Variants in NBPF11 observed in about 807,000 individuals in gnomAD.
The protein encoded by NBPF11 is NBPF member 11.
A neutral mutation model predicts 93.9 loss-of-function variants in NBPF11; 72 were observed. That is an observed-to-expected ratio of 0.77 (90% confidence interval 0.63 to 0.93). The LOEUF (loss-of-function observed/expected upper bound fraction) is 0.93. Ranked by LOEUF, NBPF11 falls within the 40% of genes least tolerant of loss-of-function variation. The pLI is 0.00. For missense variants in NBPF11, 705 were observed against 802.2 expected (o/e 0.88, Z 1.46); for synonymous variants, 224 against 304.9 (o/e 0.73, Z 2.76).
In NBPF11 at chr1:148,146,165, C is replaced by A. The variant is rs1216344108; in HGVS notation, c.-548-2479G>T. Among the ~76,000 whole-genome samples the A allele has an allele frequency of 6.3e-3, 955 of 151,632 alleles. 33 individuals are homozygous for A. The highest frequency in any genetic ancestry group is 0.022 in the African/African-American group (923 of 41,312). On this transcript the variant is annotated intron_variant, in intron 1 of 23. Transcript: ENST00000682118. The stretch of plus-strand genomic sequence containing the variant: ...GGGGCGCGGGCCGGGGTGGGCTTCC[C>A]ACGGCACGACATGGAGACCTGTGGT...
intron 1 of NBPF11, chr1:148,149,584 C>T (rs1647752759): frequency 5.6e-6 from 9 of 1,593,080 alleles, no homozygotes; most frequent in East Asian, 2.2e-5. Context: ...CCCAACCAGC[C>T]GGACCTCAGC....
At chr1:148,122,577 G>A (rs1169838396) in intron 8 of NBPF11, 152 bp downstream of exon 8, 6 of 1,179,656 alleles carry the variant, frequency 5.1e-6, no homozygotes, top group Non-Finnish European at 7.5e-6. Context: ...CACAACAGCT[G>A]CCGCACCCTG....
rs1363479920 is a variant in NBPF11, at chr1:148,102,559, C to G, written c.*1337G>C. ...ATGGGCTGAGGTTGGAAACTCACAGCATTGTCTCTGCAGTGTTCCCGTCAA... is the reference window on the plus strand; with the variant it reads ...ATGGGCTGAGGTTGGAAACTCACAGGATTGTCTCTGCAGTGTTCCCGTCAA... On this transcript the variant is annotated 3_prime_UTR_variant, in exon 24 of 24. Coordinates refer to ENST00000682118, the MANE Select transcript of NBPF11 (RefSeq NM_001385469.3). 4 of 151,518 alleles carry G rather than the reference C, an allele frequency of 2.6e-5. 1 individual carries two copies. Among genetic ancestry groups the G allele is most frequent in the African/African-American group, 7.3e-5 (3 of 40,844 alleles). 9.4% of individuals were successfully genotyped at this position (151,518 alleles called of 1,614,324 possible). A position where few individuals can be genotyped will look rare whatever the true frequency, so the allele number is the denominator to read the frequency against.
At position 148,103,853 on chromosome 1, in the gene NBPF11, C is replaced by G; in HGVS notation, c.*43G>C. On this transcript the variant is annotated 3_prime_UTR_variant, in exon 24 of 24. Transcript: ENST00000682118. ...GTACATTGATGGAGTCGAATAATAT[C>G]TATCCAGTGAGTCCTGTAAGACTTC... 1 of 1,611,380 alleles carries G rather than the reference C, an allele frequency of 6.2e-7. No homozygotes were observed. The highest frequency in any genetic ancestry group is 8.5e-7 in the Non-Finnish European group (1 of 1,179,384).
At position 148,127,038 on chromosome 1, in the gene NBPF11, A is replaced by T; in HGVS notation, c.-35T>A. ...TGTGGCAGAAGAGGTGGAGTCAGGG[A>T]CTGGGGAGAAGAAACCCAAACATAT... On this transcript the variant is annotated splice_region_variant and 5_prime_UTR_variant, in exon 5 of 24. Transcript: ENST00000682118. The T allele has an allele frequency of 6.7e-6, 4 of 599,478 alleles. No homozygotes were observed. In the Admixed American group the frequency reaches 1.1e-4, roughly 17 times the overall value. The allele number at this position is 599,478 out of a possible 1,614,324, so 37.1% of individuals were successfully genotyped here. A position where few individuals can be genotyped will look rare whatever the true frequency, so the allele number is the denominator to read the frequency against.
At chr1:148,141,478 C>CT (rs1227992543) in intron 2 of NBPF11, among the ~76,000 whole-genome samples, 7 of 151,980 alleles carry the variant, frequency 4.6e-5, no homozygotes, top group African/African-American at 1.5e-4. Flanking sequence ...ACATCTATTA[C>CT]TTTTTTTTAA....
At position 148,142,004 on chromosome 1, in the gene NBPF11, AGGAG is replaced by A. The variant is rs1207850587; in HGVS notation, c.-277+1407_-277+1410del. On this transcript the variant is annotated intron_variant, in intron 2 of 23. Transcript: ENST00000682118. ...AGGAAAGAATGGAGGGAGGGAGGGA[AGGAG>A]GGAGGGAGGAAGGAAGGAAGGGAGG... 2.6e-5 allele frequency among the ~76,000 whole-genome samples: 3 copies of A among 116,384 alleles called. 1 individual carries two copies. 76.4% of individuals were successfully genotyped at this position (116,384 alleles called of 152,430 possible). A position where few individuals can be genotyped will look rare whatever the true frequency, so the allele number is the denominator to read the frequency against.
At chr1:148,104,330 A>C (rs1663011959) in intron 23 of NBPF11, among the ~76,000 whole-genome samples, 1 of 145,692 alleles carries the variant, frequency 6.9e-6, no homozygotes. Flanking sequence ...CTTTTGAAGT[A>C]TGGTCCACCT....
chr1:148,149,582 G>A lies in NBPF11; in HGVS notation c.-549+2168C>T, dbSNP rs1418533282. On this transcript the variant is annotated intron_variant, in intron 1 of 23. Transcript: ENST00000682118. ...GCGCGCCTAGCGGCGGCCCCAACCA[G>A]CCGGACCTCAGCAATAAGGCGGCCC... is the stretch of plus-strand genomic sequence containing the variant. The A allele has an allele frequency of 8.1e-5, 129 of 1,593,600 alleles. No homozygotes were observed. The Middle Eastern group carries it at 1.4e-3, about 17-fold the overall frequency.
chr1:148,120,732 A>C, intron 9 of NBPF11, 22 bp from the exon 10 acceptor site: 1 of 1,459,234 alleles, frequency 6.9e-7, no homozygotes, highest in Non-Finnish European at 9.6e-7. Flanking sequence ...AAAGGCAAAC[A>C]TATGATGGGT....
intron 9 of NBPF11, among the ~76,000 whole-genome samples, chr1:148,121,738 C>T (rs1667916265): frequency 1.3e-5 from 2 of 152,138 alleles, no homozygotes; most frequent in South Asian, 4.1e-4. Context: ...GGAGGATCAT[C>T]TCAGCCCATC....
chr1:148,129,111 A>C (rs1669768204), intron 4 of NBPF11, among the ~76,000 whole-genome samples: 1 of 145,690 alleles, frequency 6.9e-6, no homozygotes, highest in Non-Finnish European at 1.5e-5. Context: ...TATAATATAT[A>C]TACACGTGTA....
At chr1:148,111,051 C>A (rs1266458315) in intron 15 of NBPF11, among the ~76,000 whole-genome samples, 3 of 151,708 alleles carry the variant, frequency 2.0e-5, no homozygotes, top group Non-Finnish European at 4.4e-5. Flanking sequence ...ATATATACAT[C>A]TCTCCCTGGA....
chr1:148,121,269 C>T (rs1189836764), intron 9 of NBPF11, among the ~76,000 whole-genome samples: 6 of 151,718 alleles, frequency 4.0e-5, no homozygotes, highest in East Asian at 3.9e-4. Context: ...GTTTCGAACT[C>T]CTGAGCTCAG....
At chr1:148,103,995 G>A (rs1256183363) in intron 23 of NBPF11, 83 bp from the exon 24 acceptor site, 24 of 1,608,606 alleles carry the variant, frequency 1.5e-5, no homozygotes, top group South Asian at 6.6e-5. Context: ...AGTAACATAA[G>A]GAAGTGGTTG....
chr1:148,140,917 C>G (rs1375752701), intron 2 of NBPF11, among the ~76,000 whole-genome samples: 2 of 150,924 alleles, frequency 1.3e-5, no homozygotes, highest in African/African-American at 5.0e-5. Flanking sequence ...CGTCTTTCAC[C>G]AAGTGAATGA....
Position 148,108,516 on chromosome 1 carries a change from C to G in NBPF11, c.1992G>C (p.Glu664Asp). The G allele has an allele frequency of 1.3e-6, 2 of 1,596,728 alleles. No individual in the cohort carries two copies. Among genetic ancestry groups the G allele is most frequent in the African/African-American group, 1.4e-5 (1 of 73,666 alleles). Residue 664 changes from glutamate to aspartate, a missense_variant, in exon 18 of 24, where the codon GAG becomes GAC. Glu to Asp is a conservative substitution (Grantham distance 45). Around this residue, in one of 12 missense-constraint regions of NBPF11, gnomAD observed 97 missense variants for 65.0 expected, o/e 1.49. Transcript: ENST00000682118. Reference sequence around the variant, plus strand: ...CAACAGCCAAGCCAATACGCTGTTGCTCCAATACGTAAAAGGCACTTCTGT... The same window carrying G: ...CAACAGCCAAGCCAATACGCTGTTGGTCCAATACGTAAAAGGCACTTCTGT... ...QPYRSAFYVL[E>D]QQRIGLAVDM...
At chr1:148,151,080 C>A (rs1182431182) in intron 1 of NBPF11, among the ~76,000 whole-genome samples, 1 of 151,760 alleles carries the variant, frequency 6.6e-6, no homozygotes, top group Admixed American at 6.6e-5. Flanking sequence ...GGTGAAAGGA[C>A]GCCAAATGAG....
Position 148,104,624 on chromosome 1 carries a change from C to A in NBPF11, c.2494G>T (p.Gly832Ter), listed in dbSNP as rs1663090404. ...TWEKLKRRGR[G>*]RKEGEEDQRR... Reference sequence around the variant, plus strand: ...TGATCTTCTTCCCCTTCTTTTCTTCCCCTTCCCCTTCTTTTCAATTTCTGC... The same window carrying A: ...TGATCTTCTTCCCCTTCTTTTCTTCACCTTCCCCTTCTTTTCAATTTCTGC... The change falls in exon 23 of 24, where the codon GGA becomes TGA. Residue 832 changes from glycine to a stop codon, truncating the protein, a stop_gained. Coordinates refer to ENST00000682118, the MANE Select transcript of NBPF11 (RefSeq NM_001385469.3). LOFTEE classifies it high-confidence loss of function. The A allele has an allele frequency of 5.2e-6, 3 of 574,750 alleles. No individual in the cohort carries two copies. In the Admixed American group the frequency reaches 9.5e-5, roughly 18 times the overall value. The allele number at this position is 574,750 out of a possible 1,614,324, so 35.6% of individuals were successfully genotyped here. A position where few individuals can be genotyped will look rare whatever the true frequency, so the allele number is the denominator to read the frequency against.
Sources: gnomAD v4.1 joint callset for allele counts (sites outside exome capture counted in the v4.1 genomes callset) on GRCh38, gnomAD v4.1.1 for gene constraint, gnomAD v4.1.1 regional missense constraint, MANE v1.5 for transcripts, NCBI Gene and HGNC (gene_info 2026-07-23, HGNC 2026-07-21) for gene names.